Variants in SEMA5A observed in about 807,000 individuals in gnomAD.
The protein encoded by SEMA5A is semaphorin 5A, also known as semaphorin-5A.
In SEMA5A, 55 loss-of-function variants were observed where a neutral mutation model predicts 135.5. The ratio of observed to expected loss-of-function variants is 0.41; its 90% CI spans 0.33 to 0.51. SEMA5A has a LOEUF of 0.51. SEMA5A is among the 20% of genes least tolerant of loss of function. The pLI is 0.37. For synonymous variants in SEMA5A, 580 were observed against 546.5 expected (o/e 1.06, Z -0.85); for missense variants, 1,290 against 1,419.9 (o/e 0.91, Z 1.47).
At chr5:9,470,867 GT>G (rs1759449584) in intron 1 of SEMA5A, among the ~76,000 whole-genome samples, 1 of 152,198 alleles carries the variant, frequency 6.6e-6, no homozygotes, top group African/African-American at 2.4e-5. Context: ...AGATTTAGGG[GT>G]TGTTGGTTAC....
intron 1 of SEMA5A, among the ~76,000 whole-genome samples, chr5:9,522,277 T>C (rs552941725): frequency 6.6e-6 from 1 of 152,208 alleles, no homozygotes; most frequent in African/African-American, 2.4e-5. Flanking sequence ...ACAAAGGGCG[T>C]AATTGCAAAT....
At chr5:9,134,345 G>A (rs1489135200) in intron 13 of SEMA5A, among the ~76,000 whole-genome samples, 1 of 152,132 alleles carries the variant, frequency 6.6e-6, no homozygotes, top group Non-Finnish European at 1.5e-5. Context: ...TCAGGGCCTT[G>A]CTATGTTGCC....
intron 1 of SEMA5A, among the ~76,000 whole-genome samples, chr5:9,507,992 A>G (rs1735991393): frequency 7.1e-6 from 1 of 141,428 alleles, no homozygotes. Context: ...CGAGAGAGCA[A>G]GACTCTGTCT....
intron 10 of SEMA5A, among the ~76,000 whole-genome samples, chr5:9,193,594 A>G (rs1328355123): frequency 6.6e-6 from 1 of 152,170 alleles, no homozygotes; most frequent in Non-Finnish European, 1.5e-5. Flanking sequence ...ACTCCCTTGC[A>G]TCTTGCTGCA....
intron 5 of SEMA5A, among the ~76,000 whole-genome samples, chr5:9,304,815 T>C (rs1751782798): frequency 6.6e-6 from 1 of 152,182 alleles, no homozygotes; most frequent in African/African-American, 2.4e-5. Flanking sequence ...TCTTCACAGA[T>C]GGGCCATGAA....
At chr5:9,051,526 G>A (rs927807915) in intron 20 of SEMA5A, among the ~76,000 whole-genome samples, 8 of 152,132 alleles carry the variant, frequency 5.3e-5, no homozygotes, top group South Asian at 2.1e-4. Flanking sequence ...CATACACAGC[G>A]AGCACTGCCT....
intron 10 of SEMA5A, among the ~76,000 whole-genome samples, chr5:9,192,185 G>A (rs1043141495): frequency 1.7e-4 from 26 of 152,278 alleles, no homozygotes; most frequent in Admixed American, 5.2e-4. Flanking sequence ...CTCTGGCTCC[G>A]TGGCTCTCAA....
At chr5:9,174,748 A>G (rs1744112967) in intron 11 of SEMA5A, among the ~76,000 whole-genome samples, 1 of 152,256 alleles carries the variant, frequency 6.6e-6, no homozygotes, top group African/African-American at 2.4e-5. Context: ...AAGTCCTACA[A>G]GGAATTTGAC....
chr5:9,284,106 T>G (rs1002026101), intron 5 of SEMA5A, among the ~76,000 whole-genome samples: 1 of 148,486 alleles, frequency 6.7e-6, no homozygotes, highest in African/African-American at 2.5e-5. Context: ...AGATAGATAT[T>G]AGAGAGAGAG....
intron 12 of SEMA5A, among the ~76,000 whole-genome samples, chr5:9,150,090 C>T (rs971835337): frequency 1.3e-5 from 2 of 152,192 alleles, no homozygotes; most frequent in African/African-American, 4.8e-5. Flanking sequence ...CCTCCTGCCT[C>T]AGCCTCAAGA....
chr5:9,146,079 C>T (rs985326115), intron 12 of SEMA5A, among the ~76,000 whole-genome samples: 1 of 152,156 alleles, frequency 6.6e-6, no homozygotes, highest in African/African-American at 2.4e-5. Flanking sequence ...ACCAAGGACA[C>T]ATTCTCTTTG....
intron 3 of SEMA5A, among the ~76,000 whole-genome samples, chr5:9,358,353 G>A (rs1561183086): frequency 6.6e-6 from 1 of 152,142 alleles, no homozygotes; most frequent in Non-Finnish European, 1.5e-5. Context: ...ACCACCCAGA[G>A]CTCCCTTGAC....
At chr5:9,270,556 G>A (rs1579756909) in intron 5 of SEMA5A, among the ~76,000 whole-genome samples, 2 of 152,074 alleles carry the variant, frequency 1.3e-5, no homozygotes, top group African/African-American at 4.8e-5. Context: ...AAGGTACTGA[G>A]AGCGGGGGAA....
At chr5:9,274,851 T>C (rs2150549696) in intron 5 of SEMA5A, among the ~76,000 whole-genome samples, 1 of 152,302 alleles carries the variant, frequency 6.6e-6, no homozygotes, top group Middle Eastern at 3.4e-3. Context: ...GGGAAATTTA[T>C]GGCACTAAAT....
At chr5:9,521,409 T>C (rs867565393) in intron 1 of SEMA5A, among the ~76,000 whole-genome samples, 5 of 151,992 alleles carry the variant, frequency 3.3e-5, no homozygotes, top group Middle Eastern at 3.2e-3. Flanking sequence ...GATACTGTCT[T>C]AAAAAAATAA....
chr5:9,297,176 A>G (rs1751378544), intron 5 of SEMA5A, among the ~76,000 whole-genome samples: 1 of 146,018 alleles, frequency 6.8e-6, no homozygotes, highest in Non-Finnish European at 1.5e-5. Context: ...ATATATACAT[A>G]TACATATGTA....
At chr5:9,448,560 T>C (rs1418458010) in intron 1 of SEMA5A, among the ~76,000 whole-genome samples, 1 of 152,238 alleles carries the variant, frequency 6.6e-6, no homozygotes, top group Non-Finnish European at 1.5e-5. Context: ...AACTGACTGC[T>C]GGTGTTAGTC....
rs1440929399 is a variant in SEMA5A, at chr5:9,088,841, C to T, written c.2073+19299G>A. On this transcript the variant is annotated intron_variant, in intron 16 of 22. Coordinates refer to ENST00000382496, the MANE Select transcript of SEMA5A (RefSeq NM_003966.3). ...ATAAAAGTCAAAGTGCTTAGCTTCT[C>T]TGATATTTGGAAAAGTCTCATCCAT... is the stretch of plus-strand genomic sequence containing the variant. 3.9e-5 allele frequency among the ~76,000 whole-genome samples: 6 copies of T among 152,108 alleles called. No individual in the cohort carries two copies. The South Asian group carries it at 1.2e-3, about 32-fold the overall frequency.
At chr5:9,530,056 T>C (rs1465257786) in intron 1 of SEMA5A, among the ~76,000 whole-genome samples, 1 of 152,218 alleles carries the variant, frequency 6.6e-6, no homozygotes, top group African/African-American at 2.4e-5. Flanking sequence ...AGGCAGAGGC[T>C]GGGAAGCCCC....
Sources: gnomAD v4.1 joint callset for allele counts (sites outside exome capture counted in the v4.1 genomes callset) on GRCh38, gnomAD v4.1.1 for gene constraint, MANE v1.5 for transcripts, NCBI Gene and HGNC (gene_info 2026-07-23, HGNC 2026-07-21) for gene names.